The following PTPRT variants were observed in gnomAD, a reference collection of about 807,000 sequenced individuals.
PTPRT encodes receptor-type tyrosine-protein phosphatase T.
In PTPRT, 56 loss-of-function variants were observed where a neutral mutation model predicts 176.8. That is an observed-to-expected ratio of 0.32 (90% CI 0.26 to 0.40). The LOEUF is 0.40. PTPRT is among the 10% of genes least tolerant of loss of function. PTPRT has a pLI of 1.00. For synonymous variants in PTPRT, 783 were observed against 739.0 expected (o/e 1.06, Z -0.96); for missense variants, 1,540 against 1,908.2 (o/e 0.81, Z 3.60).
chr20:42,721,442 C>A (rs552887141), intron 6 of PTPRT, among the ~76,000 whole-genome samples: 3 of 152,020 alleles, frequency 2.0e-5, no homozygotes, highest in Non-Finnish European at 4.4e-5. Context: ...GGTGGGTGGG[C>A]AGCGAATATG....
At chr20:42,566,292 T>A (rs1204553054) in intron 7 of PTPRT, among the ~76,000 whole-genome samples, 2 of 152,028 alleles carry the variant, frequency 1.3e-5, no homozygotes, top group Non-Finnish European at 2.9e-5. Flanking sequence ...TGCAGCACCA[T>A]GCCCAGCTAA....
chr20:42,084,423 C>A (rs951292441), intron 29 of PTPRT, among the ~76,000 whole-genome samples: 10 of 152,208 alleles, frequency 6.6e-5, no homozygotes, highest in Non-Finnish European at 1.5e-4. Flanking sequence ...AAGCAGGCAA[C>A]CTCCTCTCAT....
At chr20:42,780,410 C>A in intron 3 of PTPRT, 111 bp from the exon 4 acceptor site, 1 of 767,024 alleles carries the variant, frequency 1.3e-6, no homozygotes, top group Non-Finnish European at 2.2e-6. Flanking sequence ...CAGAAGCAAC[C>A]CAAGAAACCT....
chr20:43,123,817 T>C (rs1341189938), intron 1 of PTPRT, among the ~76,000 whole-genome samples: 1 of 152,226 alleles, frequency 6.6e-6, no homozygotes, highest in Non-Finnish European at 1.5e-5. Context: ...TCCTCTTTTG[T>C]AGTATATCTT....
At chr20:42,203,676 A>C (rs1198518921) in intron 15 of PTPRT, among the ~76,000 whole-genome samples, 1 of 152,222 alleles carries the variant, frequency 6.6e-6, no homozygotes, top group Admixed American at 6.5e-5. Flanking sequence ...AAATACTAGA[A>C]GATCATGTCT....
At chr20:42,730,200 G>A (rs2146260949) in intron 6 of PTPRT, among the ~76,000 whole-genome samples, 1 of 152,308 alleles carries the variant, frequency 6.6e-6, no homozygotes. Context: ...TGACTGACCT[G>A]GAGCCCACAC....
chr20:42,503,271 C>T (rs1164609899), intron 7 of PTPRT, among the ~76,000 whole-genome samples: 1 of 151,968 alleles, frequency 6.6e-6, no homozygotes, highest in African/African-American at 2.4e-5. Context: ...TTGCTTAAAT[C>T]ATTAAATATT....
At chr20:42,333,567 C>T (rs547881217) in intron 11 of PTPRT, among the ~76,000 whole-genome samples, 79 of 152,196 alleles carry the variant, frequency 5.2e-4, no homozygotes, top group African/African-American at 1.5e-3. Flanking sequence ...CTCCTGACCT[C>T]GTGATCCACC....
chr20:42,194,325 T>C (rs1991114556), intron 16 of PTPRT, among the ~76,000 whole-genome samples: 1 of 152,236 alleles, frequency 6.6e-6, no homozygotes, highest in Non-Finnish European at 1.5e-5. Context: ...TGGCCCAGTG[T>C]CTGTCTGATG....
chr20:42,108,732 CAG>C (rs1235319122), intron 23 of PTPRT, among the ~76,000 whole-genome samples: 1 of 152,088 alleles, frequency 6.6e-6, no homozygotes, highest in African/African-American at 2.4e-5. Context: ...TAAGAGGAGG[CAG>C]AGAATAATGA....
At chr20:42,950,794 A>T (rs1370255579) in intron 1 of PTPRT, among the ~76,000 whole-genome samples, 1 of 152,238 alleles carries the variant, frequency 6.6e-6, no homozygotes, top group East Asian at 1.9e-4. Context: ...GCTTTCTAGC[A>T]GGCAAGGAAA....
chr20:43,121,063 T>A (rs1425351570), intron 1 of PTPRT, among the ~76,000 whole-genome samples: 1 of 151,694 alleles, frequency 6.6e-6, no homozygotes, highest in African/African-American at 2.4e-5. Context: ...TCTATCACTG[T>A]AGATGAGTAT....
intron 1 of PTPRT, among the ~76,000 whole-genome samples, chr20:43,106,552 G>A (rs916662488): frequency 4.6e-5 from 7 of 151,544 alleles, no homozygotes; most frequent in Admixed American, 1.3e-4. Flanking sequence ...AGCTACTCGG[G>A]AGGCTGAGGC....
At chr20:42,400,715 A>G (rs2058897339) in intron 9 of PTPRT, among the ~76,000 whole-genome samples, 1 of 152,292 alleles carries the variant, frequency 6.6e-6, no homozygotes, top group African/African-American at 2.4e-5. Context: ...GAAAAAGAAG[A>G]GAAAGGAAAG....
At chr20:42,328,984 T>C (rs544882153) in intron 11 of PTPRT, among the ~76,000 whole-genome samples, 1 of 150,944 alleles carries the variant, frequency 6.6e-6, no homozygotes, top group Non-Finnish European at 1.5e-5. Context: ...ACACACACAC[T>C]CTCTCACACA....
At chr20:42,541,200 AT>A (rs2072572805) in intron 7 of PTPRT, among the ~76,000 whole-genome samples, 1 of 152,184 alleles carries the variant, frequency 6.6e-6, no homozygotes, top group Admixed American at 6.5e-5. Context: ...TGTGATGCCA[AT>A]AAAAACACCA....
intron 9 of PTPRT, among the ~76,000 whole-genome samples, chr20:42,378,863 A>C (rs1252119163): frequency 2.6e-5 from 4 of 152,232 alleles, no homozygotes; most frequent in Non-Finnish European, 5.9e-5. Flanking sequence ...CTGTTAAAAT[A>C]GTTCTGACAT....
intron 13 of PTPRT, among the ~76,000 whole-genome samples, chr20:42,269,064 G>A (rs1197082283): frequency 1.3e-5 from 2 of 152,168 alleles, no homozygotes; most frequent in Admixed American, 1.3e-4. Context: ...CAACTCTTTA[G>A]TACATTTCCT....
chr20:42,140,951 G>A (rs917772505), intron 18 of PTPRT, among the ~76,000 whole-genome samples: 6 of 152,142 alleles, frequency 3.9e-5, no homozygotes, highest in African/African-American at 1.4e-4. Context: ...GGAATCAAAA[G>A]TTTACAGAGG....
Sources: gnomAD v4.1 joint callset for allele counts (sites outside exome capture counted in the v4.1 genomes callset) on GRCh38, gnomAD v4.1.1 for gene constraint, MANE v1.5 for transcripts, NCBI Gene and HGNC (gene_info 2026-07-23, HGNC 2026-07-21) for gene names.